The following PACRG variants were observed in gnomAD, a reference collection of about 807,000 sequenced individuals.
PACRG encodes the protein parkin coregulated, also known as parkin coregulated gene protein.
A neutral mutation model predicts 29.7 loss-of-function variants in PACRG; 29 were observed. That is an observed-to-expected ratio of 0.98 (90% CI 0.73 to 1.33). The LOEUF (loss-of-function observed/expected upper bound fraction) is 1.33. Ranked by LOEUF, PACRG falls within the 40% of genes most tolerant of loss-of-function variation. The probability of loss-of-function intolerance (pLI) is 0.00; values close to 1 mark genes in which losing one functional copy is unlikely to be tolerated. For missense variants in PACRG, 279 were observed against 316.2 expected, an observed-to-expected ratio of 0.88 and a Z score of 0.89; for synonymous variants, 116 against 118.7, an observed-to-expected ratio of 0.98 and a Z score of 0.15.
At chr6:162,786,004 C>G (rs912105160) in intron 1 of PACRG, among the ~76,000 whole-genome samples, 6 of 152,204 alleles carry the variant, frequency 3.9e-5, no homozygotes, top group Admixed American at 3.9e-4. Context: ...AGTAATTGCG[C>G]AAGGTCTTCC....
intron 1 of PACRG, among the ~76,000 whole-genome samples, chr6:162,747,642 A>C (rs1316260034): frequency 6.6e-6 from 1 of 151,058 alleles, no homozygotes; most frequent in Non-Finnish European, 1.5e-5. Flanking sequence ...CCCAGAGCTA[A>C]TGCAGGGAAA....
At chr6:163,097,273 A>G (rs1025877091) in intron 4 of PACRG, among the ~76,000 whole-genome samples, 4 of 152,132 alleles carry the variant, frequency 2.6e-5, no homozygotes, top group African/African-American at 9.7e-5. Context: ...TGGCTTTACC[A>G]CTGTCCCCAC....
intron 2 of PACRG, among the ~76,000 whole-genome samples, chr6:162,976,480 G>C (rs1259210368): frequency 6.6e-6 from 1 of 152,176 alleles, no homozygotes; most frequent in Non-Finnish European, 1.5e-5. Context: ...TACCCTCCAG[G>C]TTCTTATAAT....
At chr6:163,215,901 T>C (rs1213028611) in intron 4 of PACRG, among the ~76,000 whole-genome samples, 1 of 152,194 alleles carries the variant, frequency 6.6e-6, no homozygotes, top group Admixed American at 6.5e-5. Flanking sequence ...AGATCAACAG[T>C]GGCCTCAGCA....
At chr6:162,741,928 A>G (rs1780632167) in intron 1 of PACRG, among the ~76,000 whole-genome samples, 1 of 152,142 alleles carries the variant, frequency 6.6e-6, no homozygotes, top group South Asian at 2.1e-4. Flanking sequence ...AGTTAAATCT[A>G]CTCTCAGTGA....
At chr6:162,947,153 C>A (rs537395665) in intron 2 of PACRG, among the ~76,000 whole-genome samples, 1 of 150,720 alleles carries the variant, frequency 6.6e-6, no homozygotes, top group South Asian at 2.1e-4. Context: ...AAAAGACATC[C>A]AAATGGGAGA....
At chr6:162,740,040 C>T (rs1339662512) in intron 1 of PACRG, among the ~76,000 whole-genome samples, 1 of 152,020 alleles carries the variant, frequency 6.6e-6, no homozygotes, top group East Asian at 1.9e-4. Flanking sequence ...CAAGACAGTA[C>T]CATCTATGAA....
chr6:163,070,943 T>TAAG (rs1418511208), intron 3 of PACRG, among the ~76,000 whole-genome samples: 1 of 151,924 alleles, frequency 6.6e-6, no homozygotes, highest in East Asian at 1.9e-4. Context: ...TCATAAACTA[T>TAAG]AAGAAGAAAC....
intron 1 of PACRG, among the ~76,000 whole-genome samples, chr6:162,743,734 C>T (rs1485341485): frequency 6.6e-6 from 1 of 151,958 alleles, no homozygotes; most frequent in African/African-American, 2.4e-5. Context: ...ACATATAATT[C>T]ACTCAGTTAC....
At chr6:162,971,287 A>T (rs1320799398) in intron 2 of PACRG, among the ~76,000 whole-genome samples, 2 of 152,216 alleles carry the variant, frequency 1.3e-5, no homozygotes, top group Admixed American at 1.3e-4. Context: ...TCTGGGCTCC[A>T]GTTCTTCCAT....
chr6:162,939,618 C>T (rs73605893), intron 2 of PACRG, among the ~76,000 whole-genome samples: 403 of 151,858 alleles, frequency 2.7e-3, no homozygotes, highest in African/African-American at 9.2e-3. Context: ...TTCCTCCTTT[C>T]TCCTATTCTT....
intron 3 of PACRG, among the ~76,000 whole-genome samples, chr6:163,071,215 C>T (rs978759373): frequency 3.3e-5 from 5 of 152,094 alleles, no homozygotes; most frequent in African/African-American, 1.2e-4. Flanking sequence ...ATTTACAGAA[C>T]ATTTCATCCA....
intron 2 of PACRG, among the ~76,000 whole-genome samples, chr6:162,959,398 G>A (rs984989906): frequency 5.3e-5 from 8 of 152,056 alleles, no homozygotes; most frequent in African/African-American, 7.2e-5. Context: ...TCCACCACAC[G>A]CACTCTGTGG....
intron 2 of PACRG, among the ~76,000 whole-genome samples, chr6:163,004,587 C>T (rs772791375): frequency 7.2e-4 from 110 of 151,810 alleles, no homozygotes; most frequent in Non-Finnish European, 1.3e-3. Context: ...CAGTTACCCC[C>T]ACCTGATCTC....
At chr6:163,314,743 T>C in intron 4 of PACRG, 84 bp from the exon 5 acceptor site, 1 of 1,434,894 alleles carries the variant, frequency 7.0e-7, no homozygotes. Flanking sequence ...TAATAAGCAT[T>C]CAGAGAAAAT....
chr6:163,025,866 A>G (rs982048274), intron 2 of PACRG, among the ~76,000 whole-genome samples: 4 of 152,272 alleles, frequency 2.6e-5, no homozygotes, highest in African/African-American at 9.6e-5. Context: ...TGGCAAATGC[A>G]GATGAGTGTC....
intron 2 of PACRG, among the ~76,000 whole-genome samples, chr6:162,847,462 G>A (rs73603875): frequency 0.035 from 5,231 of 150,964 alleles, 306 homozygotes; most frequent in African/African-American, 0.12. Flanking sequence ...TGTAATACTC[G>A]ATACTTTGCT....
At chr6:162,929,025 C>T (rs2128103887) in intron 2 of PACRG, among the ~76,000 whole-genome samples, 1 of 152,168 alleles carries the variant, frequency 6.6e-6, no homozygotes, top group East Asian at 1.9e-4. Flanking sequence ...CACTGATGGT[C>T]ACTTACGTTG....
chr6:163,122,264 C>T (rs79651273), intron 4 of PACRG, among the ~76,000 whole-genome samples: 1 of 147,974 alleles, frequency 6.8e-6, no homozygotes, highest in Non-Finnish European at 1.5e-5. Context: ...GTTTGTCCAT[C>T]TTCATTCTGC....
Sources: allele counts gnomAD v4.1 joint callset (sites outside exome capture counted in the v4.1 genomes callset), GRCh38; gene constraint gnomAD v4.1.1; transcripts MANE v1.5; gene names NCBI Gene and HGNC (gene_info 2026-07-23, HGNC 2026-07-21).